The following PIK3C2A variants were observed in gnomAD, a reference collection of about 807,000 sequenced individuals.
PIK3C2A encodes phosphatidylinositol-4-phosphate 3-kinase catalytic subunit type 2 alpha.
In PIK3C2A, 97 loss-of-function variants were observed where a neutral mutation model predicts 204.5. The ratio of observed to expected loss-of-function variants is 0.47; its 90% CI spans 0.40 to 0.56. The LOEUF (loss-of-function observed/expected upper bound fraction) is 0.56. Ranked by LOEUF, PIK3C2A falls within the 20% of genes least tolerant of loss-of-function variation. The pLI is 0.00. For missense variants in PIK3C2A, 1,735 were observed against 1,969.2 expected (o/e 0.88, Z 2.25); for synonymous variants, 653 against 664.4 (o/e 0.98, Z 0.26).
intron 2 of PIK3C2A, among the ~76,000 whole-genome samples, chr11:17,157,834 A>G (rs1430854989): frequency 1.3e-5 from 2 of 152,216 alleles, no homozygotes; most frequent in African/African-American, 4.8e-5. Flanking sequence ...ATATTACTCT[A>G]AAGAATGGGA....
intron 1 of PIK3C2A, among the ~76,000 whole-genome samples, chr11:17,187,867 AAG>A (rs1851807128): frequency 6.6e-6 from 1 of 152,106 alleles, no homozygotes; most frequent in Admixed American, 6.6e-5. Context: ...CTTGGAAAGG[AAG>A]AGACACCTTA....
intron 24 of PIK3C2A, among the ~76,000 whole-genome samples, chr11:17,102,263 CG>C (rs1832964729): frequency 6.6e-6 from 1 of 151,968 alleles, no homozygotes; most frequent in East Asian, 1.9e-4. Flanking sequence ...GGTGAAACCC[CG>C]TCTCTACTAA....
chr11:17,197,140 C>G (rs1346542901), intron 1 of PIK3C2A, among the ~76,000 whole-genome samples: 2 of 152,192 alleles, frequency 1.3e-5, no homozygotes, highest in African/African-American at 4.8e-5. Context: ...CCCGCCTCAG[C>G]CTCCTGAGTA....
Position 17,141,429 on chromosome 11 carries a change from C to A in PIK3C2A, c.1704+4239G>T, listed in dbSNP as rs1850061933. 3.3e-5 allele frequency: 5 copies of A among 151,848 alleles called. No individual in the cohort carries two copies. In the South Asian group the frequency reaches 8.3e-4, roughly 25 times the overall value. 9.4% of individuals were successfully genotyped at this position (151,848 alleles called of 1,614,324 possible). On this transcript the variant is annotated intron_variant, in intron 8 of 32. Coordinates refer to ENST00000691414, the MANE Select transcript of PIK3C2A (RefSeq NM_002645.4). ...AGATTACAGGTACACGCCACCATAC[C>A]CGGCTAATTTTCCTATTTTCATTTT...
intron 8 of PIK3C2A, among the ~76,000 whole-genome samples, chr11:17,140,528 T>C (rs1207861012): frequency 6.6e-6 from 1 of 152,142 alleles, no homozygotes; most frequent in Non-Finnish European, 1.5e-5. Flanking sequence ...AAAAACAGTA[T>C]GGTGTGTGAA....
intron 26 of PIK3C2A, among the ~76,000 whole-genome samples, chr11:17,098,340 C>G (rs890131389): frequency 6.6e-6 from 1 of 152,212 alleles, no homozygotes; most frequent in Non-Finnish European, 1.5e-5. Context: ...TAGGAGTGTC[C>G]GTCTAAGAAG....
At chr11:17,156,980 T>C (rs1368660556) in intron 2 of PIK3C2A, among the ~76,000 whole-genome samples, 5 of 152,068 alleles carry the variant, frequency 3.3e-5, no homozygotes, top group African/African-American at 7.2e-5. Context: ...TCTCTAAAAA[T>C]AAAAATAATT....
intron 16 of PIK3C2A, among the ~76,000 whole-genome samples, chr11:17,119,582 C>A (rs1042735189): frequency 6.6e-6 from 1 of 152,104 alleles, no homozygotes; most frequent in South Asian, 2.1e-4. Flanking sequence ...TACAACCTAA[C>A]CCTTCCTTTA....
intron 8 of PIK3C2A, among the ~76,000 whole-genome samples, chr11:17,139,441 C>G (rs1214043546): frequency 2.0e-5 from 3 of 152,042 alleles, no homozygotes; most frequent in Non-Finnish European, 4.4e-5. Flanking sequence ...TTGGGCTGGT[C>G]TCCAACCCCT....
At chr11:17,095,675 C>T (rs11024154) in intron 27 of PIK3C2A, among the ~76,000 whole-genome samples, 2 of 151,728 alleles carry the variant, frequency 1.3e-5, no homozygotes, top group African/African-American at 4.8e-5. Context: ...TTCGAGAGGC[C>T]GAAATGAGTG....
rs77980418 is a variant in PIK3C2A, at chr11:17,144,158, T to A, written c.1704+1510A>T. On this transcript the variant is annotated intron_variant, in intron 8 of 32. Transcript: ENST00000691414. ...TTGTACTCTATCACAGAATTGCTTA[T>A]ACTTCCATGTAAATATCACACCTAT... is the stretch of plus-strand genomic sequence containing the variant. Among the ~76,000 whole-genome samples, 76 of 152,330 alleles carry A rather than the reference T, an allele frequency of 5.0e-4. 1 individual carries two copies. In the East Asian group the frequency reaches 0.011, roughly 22 times the overall value.
chr11:17,117,912 A>G (rs1023882022), intron 18 of PIK3C2A, among the ~76,000 whole-genome samples: 7 of 151,318 alleles, frequency 4.6e-5, no homozygotes, highest in African/African-American at 1.7e-4. Flanking sequence ...ATGGGGTTTC[A>G]CTGTGTTAGC....
intron 3 of PIK3C2A, among the ~76,000 whole-genome samples, chr11:17,152,912 T>C (rs1044245939): frequency 6.6e-6 from 1 of 152,152 alleles, no homozygotes; most frequent in Non-Finnish European, 1.5e-5. Flanking sequence ...CAGCACTGTT[T>C]AGAATAAAAT....
At position 17,150,613 on chromosome 11, in the gene PIK3C2A, T is replaced by G; in HGVS notation, c.1212A>C (p.Pro404=). Residue 404 remains proline (P), a synonymous_variant, in exon 4 of 33, where the codon CCA becomes CCC. Transcript: ENST00000691414. ...KFPYTNHRTN[P]GYLLSPVTAQ... Reference sequence around the variant, plus strand: ...CTGTGACTGGACTTAACAAATAGCCTGGGTTTGTGCGGTGATTGGTATATG... The same window carrying G: ...CTGTGACTGGACTTAACAAATAGCCGGGGTTTGTGCGGTGATTGGTATATG... 1 of 1,611,320 alleles carries G rather than the reference T, an allele frequency of 6.2e-7. No homozygotes were observed. The highest frequency in any genetic ancestry group is 8.5e-7 in the Non-Finnish European group (1 of 1,178,524).
chr11:17,165,610 T>C (rs1850916448), intron 2 of PIK3C2A, among the ~76,000 whole-genome samples: 1 of 151,734 alleles, frequency 6.6e-6, no homozygotes. Context: ...ACCGCGTCTC[T>C]ACTAAAAATA....
intron 1 of PIK3C2A, among the ~76,000 whole-genome samples, chr11:17,183,070 C>T (rs1851619841): frequency 6.6e-6 from 1 of 152,142 alleles, no homozygotes; most frequent in African/African-American, 2.4e-5. Flanking sequence ...TCTCAAACTC[C>T]TAAGTTCAAG....
intron 2 of PIK3C2A, among the ~76,000 whole-genome samples, chr11:17,163,534 T>C (rs1850849385): frequency 6.6e-6 from 1 of 151,928 alleles, no homozygotes; most frequent in Non-Finnish European, 1.5e-5. Flanking sequence ...CTTGAGTAGC[T>C]GGGACTACAG....
rs139633447 is a variant in PIK3C2A at position 17,119,291 on chromosome 11, A to T, written c.2869T>A (p.Ser957Thr). The T allele has an allele frequency of 1.2e-6, 2 of 1,601,810 alleles. No individual in the cohort carries two copies. Among genetic ancestry groups the T allele is most frequent in the Admixed American group, 1.7e-5 (1 of 59,784 alleles). The change falls in exon 17 of 33, where the codon TCC becomes ACC. Residue 957 changes from serine to threonine, a missense_variant. This residue lies in a region of PIK3C2A where 567 missense variants were observed against 576.0 expected (regional missense o/e 0.98). Coordinates refer to ENST00000691414, the MANE Select transcript of PIK3C2A (RefSeq NM_002645.4). ...DSKFADQEVRSLAVTWIEAIS... is the reference protein window; with the variant it reads ...DSKFADQEVRTLAVTWIEAIS... ...GCCTCAATCCAGGTCACAGCTAGGG[A>T]TCTTACTTCCTGATCAGCAAATCTA...
At position 17,148,704 on chromosome 11, in the gene PIK3C2A, C is replaced by T; in HGVS notation, c.1411G>A (p.Val471Ile). The change falls in exon 5 of 33, where the codon GTT becomes ATT. Residue 471 changes from valine (V) to isoleucine (I), a missense_variant. By Grantham distance (29) the Val-to-Ile change is conservative. Transcript: ENST00000691414. ...TCCTCTTGACCACAAACTTTTAGAA[C>T]ATAGCTGCCAACATCTACTTGATTC... ...DLNQVDVGSY[V>I]LKVCGQEEVL... The T allele has an allele frequency of 6.2e-7, 1 of 1,613,478 alleles. No individual in the cohort carries two copies. Among genetic ancestry groups the T allele is most frequent in the Non-Finnish European group, 8.5e-7 (1 of 1,179,642 alleles).
Sources: allele counts gnomAD v4.1 joint callset (sites outside exome capture counted in the v4.1 genomes callset), GRCh38; gene constraint gnomAD v4.1.1; regional missense constraint gnomAD v4.1.1; transcripts MANE v1.5; gene names NCBI Gene and HGNC (gene_info 2026-07-23, HGNC 2026-07-21).